Variants in TEP1 observed in about 807,000 individuals in gnomAD.
TEP1 encodes telomerase protein component 1.
A neutral mutation model predicts 306.3 loss-of-function variants in TEP1; 241 were observed. The ratio of observed to expected loss-of-function variants is 0.79; its 90% CI spans 0.71 to 0.88. TEP1 has a LOEUF of 0.88. Among genes scored for constraint, TEP1 ranks in the 40% least tolerant of loss-of-function variants. TEP1 has a pLI of 0.00. For missense variants in TEP1, 3,051 were observed against 3,276.1 expected (o/e 0.93, Z 1.68); for synonymous variants, 1,289 against 1,305.5 (o/e 0.99, Z 0.27).
At chr14:20,385,368 A>G (rs1405761551) in intron 20 of TEP1, among the ~76,000 whole-genome samples, 1 of 147,456 alleles carries the variant, frequency 6.8e-6, no homozygotes, top group Non-Finnish European at 1.5e-5. Flanking sequence ...ATTTTTTTTT[A>G]TTTTTTATTT....
At chr14:20,401,392 C>T (rs889874037) in intron 8 of TEP1, 65 bp downstream of exon 8, 22 of 1,596,900 alleles carry the variant, frequency 1.4e-5, no homozygotes, top group Non-Finnish European at 1.9e-5. Context: ...GGGATGGGGG[C>T]CACGGATGTT....
In TEP1 at chr14:20,407,949, T is replaced by G. The variant is rs1450678312; in HGVS notation, c.491A>C (p.Lys164Thr). Residue 164 changes from lysine to threonine, a missense_variant, in exon 2 of 55, where the codon AAG becomes ACG. Around this residue, in one of 3 missense-constraint regions of TEP1, gnomAD observed 1,507 missense variants for 1,550.5 expected, o/e 0.97. Coordinates refer to ENST00000262715, the MANE Select transcript of TEP1 (RefSeq NM_007110.5). ...PPSWRAQHFSKGLDLSTCPIA... is the reference protein window; with the variant it reads ...PPSWRAQHFSTGLDLSTCPIA... ...AGGGCAGGTTGAAAGGTCTAGTCCCTTAGAGAAATGCTGAGCCCTCCAACT... is the reference window on the plus strand; with the variant it reads ...AGGGCAGGTTGAAAGGTCTAGTCCCGTAGAGAAATGCTGAGCCCTCCAACT... The G allele has an allele frequency of 6.2e-7, 1 of 1,614,138 alleles. No individual in the cohort carries two copies. Among genetic ancestry groups the G allele is most frequent in the South Asian group, 1.1e-5 (1 of 91,070 alleles).
At position 20,380,420 on chromosome 14, in the gene TEP1, A is replaced by T; in HGVS notation, c.4818T>A (p.Phe1606Leu). 1 of 1,614,160 alleles carries T rather than the reference A, an allele frequency of 6.2e-7. No individual in the cohort carries two copies. Among genetic ancestry groups the T allele is most frequent in the Non-Finnish European group, 8.5e-7 (1 of 1,180,046 alleles). The change falls in exon 34 of 55, where the codon TTT becomes TTA. Residue 1606 changes from phenylalanine to leucine, a missense_variant. By Grantham distance (22) the Phe-to-Leu change is conservative. This residue lies in a region of TEP1 where 1,540 missense variants were observed against 1,705.9 expected (regional missense o/e 0.90). Transcript: ENST00000262715. ...QKLPEADVAV[F>L]RTFLRQQASI... ...AAGCCTGCTGCCTCAGGAAGGTGCG[A>T]AACACTGCAACGTCAGCCTCGGGGA...
chr14:20,396,967 T>C (rs553055657), intron 9 of TEP1, among the ~76,000 whole-genome samples: 1 of 151,692 alleles, frequency 6.6e-6, no homozygotes, highest in South Asian at 2.1e-4. Flanking sequence ...ACCAGGCATG[T>C]GGAAAGTCCA....
At position 20,391,041 on chromosome 14, in the gene TEP1, T is replaced by C. The variant is rs374464557; in HGVS notation, c.2153A>G (p.Gln718Arg). Residue 718 changes from glutamine to arginine, a missense_variant, in exon 14 of 55, where the codon CAG (glutamine) becomes CGG (arginine). Gln to Arg is a conservative substitution (Grantham distance 43). Transcript: ENST00000262715. Reference sequence around the variant, plus strand: ...ACCTCCACACAGCACGACGTCCACCTGCTCCGCCCTCGTGATCATCATCCC... The same window carrying C: ...ACCTCCACACAGCACGACGTCCACCCGCTCCGCCCTCGTGATCATCATCCC... ...LIGMMITRAE[Q>R]VDVVLCGGDT... 22 of 1,614,052 alleles carry C rather than the reference T, an allele frequency of 1.4e-5. No homozygotes were observed. The highest frequency in any genetic ancestry group is 1.8e-5 in the Non-Finnish European group (21 of 1,180,044).
intron 27 of TEP1, 77 bp from the exon 28 acceptor site, chr14:20,382,792 C>T (rs1876707892): frequency 7.2e-7 from 1 of 1,383,040 alleles, no homozygotes; most frequent in African/African-American, 1.4e-5. Context: ...ACCAGCCCCT[C>T]TGCCAGGCAG....
chr14:20,391,531 G>T lies in TEP1; in HGVS notation c.2097+68C>A, dbSNP rs1456963574. 2.6e-6 allele frequency: 4 copies of T among 1,530,282 alleles called. No homozygotes were observed. In the African/African-American group the frequency reaches 5.5e-5, roughly 21 times the overall value. 94.8% of individuals were successfully genotyped at this position (1,530,282 alleles called of 1,614,324 possible). Reference sequence around the variant, plus strand: ...CCTGGGAAAACCAGCTCTGGGAACAGGATACTGCTCAGGATCCCCAGCATT... The same window carrying T: ...CCTGGGAAAACCAGCTCTGGGAACATGATACTGCTCAGGATCCCCAGCATT... On this transcript the variant is annotated intron_variant, in intron 13 of 54. Transcript: ENST00000262715.
intron 9 of TEP1, among the ~76,000 whole-genome samples, chr14:20,399,886 G>T (rs1485735581): frequency 1.3e-5 from 2 of 151,862 alleles, no homozygotes; most frequent in African/African-American, 4.8e-5. Flanking sequence ...ATATGGCTGG[G>T]CGTGGTGGCT....
At position 20,367,573 on chromosome 14, in the gene TEP1, C is replaced by A. The variant is rs942691335; in HGVS notation, c.*864G>T. On this transcript the variant is annotated 3_prime_UTR_variant, in exon 55 of 55. Transcript: ENST00000262715. ...GTTGGGAAAACCAGAAGGTTTGTTC[C>A]GCTTTCAATGGCTTGGCTCCTCACC... The A allele has an allele frequency of 6.6e-6, 1 of 151,270 alleles. No individual in the cohort carries two copies. The highest frequency in any genetic ancestry group is 1.5e-5 in the Non-Finnish European group (1 of 67,954). 9.4% of individuals were successfully genotyped at this position (151,270 alleles called of 1,614,324 possible).
At chr14:20,399,523 A>G (rs143114193) in intron 9 of TEP1, among the ~76,000 whole-genome samples, 145 of 148,294 alleles carry the variant, frequency 9.8e-4, no homozygotes, top group African/African-American at 3.5e-3. Context: ...ATCTTTTTTT[A>G]TATTTCCTTT....
chr14:20,376,877 A>G (rs1197714581), intron 41 of TEP1, among the ~76,000 whole-genome samples: 2 of 152,258 alleles, frequency 1.3e-5, no homozygotes, highest in Non-Finnish European at 2.9e-5. Flanking sequence ...TTTCATACAC[A>G]TATACATACA....
At chr14:20,379,625 T>C (rs1885409419) in intron 35 of TEP1, among the ~76,000 whole-genome samples, 1 of 152,238 alleles carries the variant, frequency 6.6e-6, no homozygotes. Flanking sequence ...TACATGGCTA[T>C]GTTTTGGTTC....
At chr14:20,369,201 G>C (rs1347476507) in intron 53 of TEP1, 143 bp downstream of exon 53, 3 of 820,402 alleles carry the variant, frequency 3.7e-6, no homozygotes, top group Non-Finnish European at 5.8e-6. Context: ...GTAGAGATGG[G>C]GTTTCACCGT....
intron 12 of TEP1, among the ~76,000 whole-genome samples, 168 bp downstream of exon 12, chr14:20,395,282 A>G (rs1426506453): frequency 6.6e-6 from 1 of 152,188 alleles, no homozygotes; most frequent in Non-Finnish European, 1.5e-5. Flanking sequence ...CTTTAGGACA[A>G]TGTTAAAGAC....
Position 20,371,489 on chromosome 14 carries a change from C to T in TEP1, c.7220G>A (p.Trp2407Ter), listed in dbSNP as rs1212538611. 6.2e-7 allele frequency: 1 copy of T among 1,609,536 alleles called. No individual in the cohort carries two copies. The highest frequency in any genetic ancestry group is 8.5e-7 in the Non-Finnish European group (1 of 1,179,132). ...MKPGDAPSEI[W>*]SSYTENPMIL... ...GAGGAAATGGCATTTTGGATCTTACCAGATTTCAGATGGAGCATCCCCTGG... is the reference window on the plus strand; with the variant it reads ...GAGGAAATGGCATTTTGGATCTTACTAGATTTCAGATGGAGCATCCCCTGG... Residue 2407 changes from tryptophan to a stop codon, truncating the protein, a stop_gained and splice_region_variant, in exon 50 of 55, where the codon TGG (tryptophan) becomes TAG (stop). Coordinates refer to ENST00000262715, the MANE Select transcript of TEP1 (RefSeq NM_007110.5). LOFTEE classifies it high-confidence loss of function.
At chr14:20,368,728 T>C (rs1490195484) in intron 54 of TEP1, 70 bp downstream of exon 54, 2 of 1,547,446 alleles carry the variant, frequency 1.3e-6, no homozygotes, top group East Asian at 2.3e-5. Flanking sequence ...GTTTGCTGTC[T>C]TGTGACATCC....
At chr14:20,390,249 T>C (rs1388638287) in intron 15 of TEP1, among the ~76,000 whole-genome samples, 1 of 151,984 alleles carries the variant, frequency 6.6e-6, no homozygotes, top group Non-Finnish European at 1.5e-5. Context: ...AATCAGAAAA[T>C]AAAACAAATG....
chr14:20,386,661 G>T (rs770948068), intron 18 of TEP1, 38 bp from the exon 19 acceptor site: 3 of 1,527,302 alleles, frequency 2.0e-6, no homozygotes, highest in South Asian at 1.3e-5. Flanking sequence ...GTCTAGGGAT[G>T]ATTCCCACCC....
At chr14:20,404,818 T>C (rs763667481) in intron 4 of TEP1, 46 bp from the exon 5 acceptor site, 10 of 1,552,832 alleles carry the variant, frequency 6.4e-6, no homozygotes, top group Non-Finnish European at 7.0e-6. Context: ...ACTCCTCCCG[T>C]AGCTTTCTGC....
Sources: gnomAD v4.1 joint callset for allele counts (sites outside exome capture counted in the v4.1 genomes callset) on GRCh38, gnomAD v4.1.1 for gene constraint, gnomAD v4.1.1 regional missense constraint, MANE v1.5 for transcripts, NCBI Gene and HGNC (gene_info 2026-07-23, HGNC 2026-07-21) for gene names.